KCNQ1: variants seen among roughly 807,000 people sequenced by gnomAD.
KCNQ1 encodes the protein potassium voltage-gated channel subfamily Q member 1.
Under a neutral mutation model 72.4 loss-of-function variants are expected in KCNQ1, and 49 were observed. The ratio of observed to expected loss-of-function variants is 0.68; its 90% CI spans 0.54 to 0.86. KCNQ1 has a LOEUF of 0.86. Ranked by LOEUF, KCNQ1 falls within the 40% of genes least tolerant of loss-of-function variation. The pLI is 0.00. For missense variants in KCNQ1, 790 were observed against 945.1 expected, an observed-to-expected ratio of 0.84 and a Z score of 2.15; for synonymous variants, 450 against 412.6, an observed-to-expected ratio of 1.09 and a Z score of -1.10.
Position 2,778,655 on chromosome 11 carries a change from G to A in KCNQ1, c.1794+618G>A, listed in dbSNP as rs558593379. ...TCTGGGCGGTGGGAGGGCCTTTCTCGGGCCCATGGCTGAGCCCACCACTGC... is the reference window on the plus strand; with the variant it reads ...TCTGGGCGGTGGGAGGGCCTTTCTCAGGCCCATGGCTGAGCCCACCACTGC... On this transcript the variant is annotated intron_variant, in intron 15 of 15. Coordinates refer to ENST00000155840, the MANE Select transcript of KCNQ1 (RefSeq NM_000218.3). Among the ~76,000 whole-genome samples, 90 of 152,202 alleles carry A rather than the reference G, an allele frequency of 5.9e-4. 1 individual carries two copies. The highest frequency in any genetic ancestry group is 1.9e-3 in the African/African-American group (79 of 41,532).
chr11:2,779,276 G>A (rs898694133), intron 15 of KCNQ1, among the ~76,000 whole-genome samples: 2 of 152,204 alleles, frequency 1.3e-5, no homozygotes, highest in African/African-American at 4.8e-5. Flanking sequence ...TCTGCTGCCC[G>A]GGGAACACGG....
chr11:2,705,767 C>G (rs1023851257), intron 11 of KCNQ1, among the ~76,000 whole-genome samples: 2 of 152,194 alleles, frequency 1.3e-5, no homozygotes, highest in Non-Finnish European at 2.9e-5. Context: ...GAGGTGTTAA[C>G]AAAAAGCCCC....
In KCNQ1 at chr11:2,464,769, C is replaced by T. The variant is rs1368671472; in HGVS notation, c.386+19285C>T. On this transcript the variant is annotated intron_variant, in intron 1 of 15. Transcript: ENST00000155840. The surrounding 1 kb of genome is among the most constrained non-coding windows in gnomAD (Gnocchi z 5.0). ...AGGAGGAAAGGGTGGCTCTGCTGACCCCTCCTAGGTGGGCTGGGGCTGAGG... is the reference window on the plus strand; with the variant it reads ...AGGAGGAAAGGGTGGCTCTGCTGACTCCTCCTAGGTGGGCTGGGGCTGAGG... Among the ~76,000 whole-genome samples, 3 of 149,220 alleles carry T rather than the reference C, an allele frequency of 2.0e-5. No individual in the cohort carries two copies. The highest frequency in any genetic ancestry group is 7.7e-5 in the African/African-American group (3 of 39,092).
At position 2,588,385 on chromosome 11, in the gene KCNQ1, C is replaced by T. The variant is rs1178273295; in HGVS notation, c.1252-328C>T. Among the ~76,000 whole-genome samples, 1 of 152,190 alleles carries T rather than the reference C, an allele frequency of 6.6e-6. No individual in the cohort carries two copies. Among genetic ancestry groups the T allele is most frequent in the Non-Finnish European group, 1.5e-5 (1 of 68,028 alleles). On this transcript the variant is annotated intron_variant, in intron 9 of 15. Transcript: ENST00000155840. This position sits in a 1 kb window ranked among gnomAD's most constrained non-coding sequence, Gnocchi z 5.6. ...ATGCCCTGCTGGCCCCCAGCCTGTTCCCCCGATATGCATTCTCCCCTACTG... is the reference window on the plus strand; with the variant it reads ...ATGCCCTGCTGGCCCCCAGCCTGTTTCCCCGATATGCATTCTCCCCTACTG...
intron 11 of KCNQ1, chr11:2,696,954 T>A (rs1850687068): frequency 5.0e-6 from 2 of 398,486 alleles, no homozygotes; most frequent in Non-Finnish European, 8.8e-6. Context: ...CTCTCTTTAG[T>A]TGTTAAGTTC....
At chr11:2,685,166 C>T (rs1850462872) in intron 11 of KCNQ1, 2 of 398,692 alleles carry the variant, frequency 5.0e-6, no homozygotes, top group Non-Finnish European at 8.8e-6. Context: ...GGAGAGGATC[C>T]CCATCTGCAT....
chr11:2,585,802 C>A (rs1848584448), intron 8 of KCNQ1, among the ~76,000 whole-genome samples: 1 of 152,182 alleles, frequency 6.6e-6, no homozygotes, highest in Non-Finnish European at 1.5e-5. Flanking sequence ...TCCCTCTGGG[C>A]TCACAAGGCC....
At chr11:2,680,857 A>G (rs1346404684) in intron 11 of KCNQ1, 3 of 398,418 alleles carry the variant, frequency 7.5e-6, no homozygotes, top group African/African-American at 6.2e-5. Context: ...CACTCAGCAC[A>G]ATTCCCTGAA....
intron 12 of KCNQ1, among the ~76,000 whole-genome samples, chr11:2,774,522 C>T (rs1224600835): frequency 6.6e-6 from 1 of 152,176 alleles, no homozygotes; most frequent in Non-Finnish European, 1.5e-5. Context: ...AAGAGGAACC[C>T]CCTGAACTTC....
intron 2 of KCNQ1, among the ~76,000 whole-genome samples, chr11:2,561,699 G>A (rs1848169532): frequency 1.3e-5 from 2 of 152,358 alleles, no homozygotes; most frequent in African/African-American, 2.4e-5. Flanking sequence ...TCTTGCTAAT[G>A]TGTGGGACAA....
At chr11:2,590,360 C>G (rs1848654826) in intron 10 of KCNQ1, among the ~76,000 whole-genome samples, 1 of 152,242 alleles carries the variant, frequency 6.6e-6, no homozygotes, top group Non-Finnish European at 1.5e-5. Flanking sequence ...ACTGCAGCAC[C>G]AATGCAGAGG....
rs992712448 is a variant in KCNQ1 at position 2,536,917 on chromosome 11, C to T, written c.477+8899C>T. ...AGCAACTGTCTTCTAGATGTAGTACCCCAATCCCCCCCAGTCCCTCCCTTT... is the reference window on the plus strand; with the variant it reads ...AGCAACTGTCTTCTAGATGTAGTACTCCAATCCCCCCCAGTCCCTCCCTTT... On this transcript the variant is annotated intron_variant, in intron 2 of 15. Coordinates refer to ENST00000155840, the MANE Select transcript of KCNQ1 (RefSeq NM_000218.3). The surrounding 1 kb of genome is among the most constrained non-coding windows in gnomAD (Gnocchi z 7.4). 6.6e-6 allele frequency among the ~76,000 whole-genome samples: 1 copy of T among 151,944 alleles called. No homozygotes were observed. Among genetic ancestry groups the T allele is most frequent in the Non-Finnish European group, 1.5e-5 (1 of 68,016 alleles).
rs760591186 is a variant in KCNQ1, at chr11:2,691,750, C to T, written c.1514+29669C>T. On this transcript the variant is annotated intron_variant, in intron 11 of 15. Transcript: ENST00000155840. The surrounding 1 kb of genome is among the most constrained non-coding windows in gnomAD (Gnocchi z 6.4). ...GGAGCCACACAGGCAGGGGACATTC[C>T]ACTAGGGCCATTTGCAGGCCAGTGG... 5.0e-5 allele frequency: 20 copies of T among 398,536 alleles called. No individual in the cohort carries two copies. Among genetic ancestry groups the T allele is most frequent in the Non-Finnish European group, 8.0e-5 (18 of 226,150 alleles). The allele number at this position is 398,536 out of a possible 1,614,324, so 24.7% of individuals were successfully genotyped here. A position where few individuals can be genotyped will look rare whatever the true frequency, so the allele number is the denominator to read the frequency against.
At chr11:2,502,748 C>T (rs967105827) in intron 1 of KCNQ1, among the ~76,000 whole-genome samples, 2 of 152,158 alleles carry the variant, frequency 1.3e-5, no homozygotes, top group African/African-American at 2.4e-5. Context: ...AGCAAAAGAA[C>T]AAAACTGGAG....
In KCNQ1 at chr11:2,497,165, G is replaced by A. The variant is rs1251382676; in HGVS notation, c.387-30763G>A. Among the ~76,000 whole-genome samples the A allele has an allele frequency of 6.6e-6, 1 of 152,112 alleles. No individual in the cohort carries two copies. The highest frequency in any genetic ancestry group is 1.9e-4 in the East Asian group (1 of 5,188). ...GTCTTGGGGTTGCTCTTCTTGAGGAGTATCTTAGTGGTGTTCTCTGTATTT... is the reference window on the plus strand; with the variant it reads ...GTCTTGGGGTTGCTCTTCTTGAGGAATATCTTAGTGGTGTTCTCTGTATTT... On this transcript the variant is annotated intron_variant, in intron 1 of 15. Transcript: ENST00000155840. This position sits in a 1 kb window ranked among gnomAD's most constrained non-coding sequence, Gnocchi z 4.5.
rs1846628502 is a variant in KCNQ1 at position 2,479,990 on chromosome 11, C to T, written c.386+34506C>T. On this transcript the variant is annotated intron_variant, in intron 1 of 15. Transcript: ENST00000155840. This position sits in a 1 kb window ranked among gnomAD's most constrained non-coding sequence, Gnocchi z 4.6. ...GGCAGTGGTAAAATACTGCCAGTCT[C>T]TTTGCTAAAACATAGCAAGAGTCAT... 6.6e-6 allele frequency among the ~76,000 whole-genome samples: 1 copy of T among 152,244 alleles called. No homozygotes were observed. The highest frequency in any genetic ancestry group is 1.5e-5 in the Non-Finnish European group (1 of 68,044).
chr11:2,729,075 C>T (rs11023927), intron 11 of KCNQ1, among the ~76,000 whole-genome samples: 7 of 152,256 alleles, frequency 4.6e-5, no homozygotes, highest in East Asian at 1.9e-4. Flanking sequence ...TCCCACCCCC[C>T]GCCTGCCCCA....
At chr11:2,640,480 C>A in intron 10 of KCNQ1, 2 of 398,204 alleles carry the variant, frequency 5.0e-6, no homozygotes, top group South Asian at 2.6e-4. Context: ...GAGACAGGGT[C>A]GTGCATTGTT....
At chr11:2,542,598 C>T (rs1185872569) in intron 2 of KCNQ1, among the ~76,000 whole-genome samples, 1 of 152,210 alleles carries the variant, frequency 6.6e-6, no homozygotes, top group Non-Finnish European at 1.5e-5. Flanking sequence ...CTTCTCGCTC[C>T]CGTCGCTGGC....
Sources: allele counts gnomAD v4.1 joint callset (sites outside exome capture counted in the v4.1 genomes callset), GRCh38; gene constraint gnomAD v4.1.1; non-coding constraint Gnocchi (gnomAD v3.1); transcripts MANE v1.5; gene names NCBI Gene and HGNC (gene_info 2026-07-23, HGNC 2026-07-21).